DOCK4: variants seen among roughly 807,000 people sequenced by gnomAD.
The protein encoded by DOCK4 is dedicator of cytokinesis protein 4.
DOCK4 carries 97 observed loss-of-function variants against 268.1 expected under a neutral mutation model. The observed-to-expected ratio is 0.36, with a 90% CI of 0.31 to 0.43. The LOEUF (loss-of-function observed/expected upper bound fraction) is 0.43. DOCK4 is among the 20% of genes least tolerant of loss of function. The pLI, the probability that DOCK4 is intolerant of heterozygous loss-of-function variation, is 1.00. For synonymous variants in DOCK4, 954 were observed against 887.2 expected, an observed-to-expected ratio of 1.08 and a Z score of -1.34; for missense variants, 2,145 against 2,455.7, an observed-to-expected ratio of 0.87 and a Z score of 2.67.
intron 36 of DOCK4, among the ~76,000 whole-genome samples, chr7:111,770,008 G>C (rs1047314334): frequency 6.6e-6 from 1 of 152,094 alleles, no homozygotes; most frequent in Non-Finnish European, 1.5e-5. Flanking sequence ...CTGGTTCAAA[G>C]ATGTGGGGAG....
intron 16 of DOCK4, among the ~76,000 whole-genome samples, chr7:111,894,908 A>G (rs1456070191): frequency 6.6e-6 from 1 of 152,222 alleles, no homozygotes; most frequent in African/African-American, 2.4e-5. Flanking sequence ...GACCCAGGTC[A>G]GCAGGACCAG....
chr7:112,179,861 T>C (rs960635106), intron 1 of DOCK4, among the ~76,000 whole-genome samples: 1 of 152,182 alleles, frequency 6.6e-6, no homozygotes, highest in African/African-American at 2.4e-5. Context: ...GGGGCTCGTA[T>C]CACTTTAGCA....
intron 23 of DOCK4, among the ~76,000 whole-genome samples, chr7:111,848,294 G>A (rs1804272966): frequency 6.6e-6 from 1 of 151,858 alleles, no homozygotes; most frequent in Admixed American, 6.6e-5. Flanking sequence ...TTATTTCCAA[G>A]AGCTTTCTCC....
intron 1 of DOCK4, among the ~76,000 whole-genome samples, chr7:112,195,048 G>A (rs1563176254): frequency 2.0e-5 from 3 of 152,246 alleles, no homozygotes; most frequent in East Asian, 1.9e-4. Context: ...GGAGGCCAAG[G>A]TGGGCAGATC....
Position 112,154,445 on chromosome 7 carries a change from A to C in DOCK4, c.37+51657T>G, listed in dbSNP as rs529621524. 9.9e-5 allele frequency among the ~76,000 whole-genome samples: 15 copies of C among 152,282 alleles called. No individual in the cohort carries two copies. In the South Asian group the frequency reaches 3.1e-3, roughly 32 times the overall value. On this transcript the variant is annotated intron_variant, in intron 1 of 52. Coordinates refer to ENST00000428084, the MANE Select transcript of DOCK4 (RefSeq NM_001363540.2). Reference sequence around the variant, plus strand: ...CATTGTTTGACTCCTTTTTCTTTGCACTTGCTTTCTGAAATACAGATTAAT... The same window carrying C: ...CATTGTTTGACTCCTTTTTCTTTGCCCTTGCTTTCTGAAATACAGATTAAT...
At chr7:112,018,328 G>T (rs942229447) in intron 1 of DOCK4, among the ~76,000 whole-genome samples, 1 of 151,966 alleles carries the variant, frequency 6.6e-6, no homozygotes, top group East Asian at 1.9e-4. Context: ...AAAAAATGCT[G>T]CTTGTTTATC....
At chr7:112,096,693 T>TTAAATGCCTA (rs1162839582) in intron 1 of DOCK4, among the ~76,000 whole-genome samples, 1 of 152,108 alleles carries the variant, frequency 6.6e-6, no homozygotes, top group Non-Finnish European at 1.5e-5. Context: ...TAGGACAGTG[T>TTAAATGCCTA]TAAATGTAAA....
At chr7:111,784,524 G>A in intron 32 of DOCK4, 1 of 460,782 alleles carries the variant, frequency 2.2e-6, no homozygotes, top group Non-Finnish European at 4.3e-6. Context: ...TGTACTATCT[G>A]TGCACTCACT....
chr7:111,904,150 C>T (rs1791372767), intron 13 of DOCK4, among the ~76,000 whole-genome samples: 3 of 152,110 alleles, frequency 2.0e-5, no homozygotes, highest in Non-Finnish European at 4.4e-5. Context: ...GTAGGCTAGG[C>T]CCAAAGGAGG....
intron 1 of DOCK4, among the ~76,000 whole-genome samples, chr7:112,159,373 G>A (rs1816887766): frequency 6.6e-6 from 1 of 151,998 alleles, no homozygotes. Flanking sequence ...CCTGGTGCGT[G>A]TCCACCACCT....
rs199894755 is a variant in DOCK4 at position 111,944,878 on chromosome 7, A to C, written c.784-7T>G. ...GCTCACTGCTGCCCAAATCCTACAA[A>C]CAAAGAAAGTTTGGTTATTTTGGAA... is the stretch of plus-strand genomic sequence containing the variant. On this transcript the variant is annotated splice_region_variant and splice_polypyrimidine_tract_variant and intron_variant, in intron 9 of 52. Transcript: ENST00000428084. 1.1e-4 allele frequency: 178 copies of C among 1,613,926 alleles called. No individual in the cohort carries two copies. The African/African-American group carries it at 2.2e-3, about 20-fold the overall frequency.
intron 1 of DOCK4, among the ~76,000 whole-genome samples, chr7:112,030,118 T>C (rs955934111): frequency 1.1e-4 from 16 of 152,172 alleles, no homozygotes; most frequent in African/African-American, 3.9e-4. Flanking sequence ...CTGAACAATA[T>C]AGAGGATCAG....
intron 27 of DOCK4, among the ~76,000 whole-genome samples, chr7:111,814,808 C>T (rs1801417388): frequency 6.6e-6 from 1 of 152,172 alleles, no homozygotes; most frequent in African/African-American, 2.4e-5. Flanking sequence ...CAGAAAGAGG[C>T]ACAGGGCATT....
At chr7:112,196,155 A>G (rs982292527) in intron 1 of DOCK4, among the ~76,000 whole-genome samples, 1 of 152,172 alleles carries the variant, frequency 6.6e-6, no homozygotes. Context: ...ACCTCTCTAC[A>G]ACGCGAAGGA....
chr7:111,838,086 CAAA>C (rs749907970), intron 25 of DOCK4, among the ~76,000 whole-genome samples: 1 of 29,830 alleles, frequency 3.4e-5, no homozygotes, highest in Non-Finnish European at 7.3e-5. Context: ...AACCCTACCT[CAAA>C]AAAAAAAAAA....
At chr7:112,015,799 T>G (rs150331507) in intron 1 of DOCK4, among the ~76,000 whole-genome samples, 115 of 152,314 alleles carry the variant, frequency 7.6e-4, no homozygotes, top group African/African-American at 2.5e-3. Flanking sequence ...TTCTGGAAGC[T>G]AGCAAGTCCA....
At chr7:111,929,169 T>C (rs1179246101) in intron 12 of DOCK4, among the ~76,000 whole-genome samples, 1 of 152,102 alleles carries the variant, frequency 6.6e-6, no homozygotes, top group Non-Finnish European at 1.5e-5. Flanking sequence ...TATAAGTGTA[T>C]ATGTACATAT....
chr7:112,055,706 G>A (rs778207075), intron 1 of DOCK4, among the ~76,000 whole-genome samples: 2 of 152,146 alleles, frequency 1.3e-5, no homozygotes, highest in East Asian at 1.9e-4. Flanking sequence ...CCAGGAGTTC[G>A]AAACCAGCCT....
chr7:112,015,432 C>T (rs1410449558), intron 1 of DOCK4, among the ~76,000 whole-genome samples: 1 of 152,146 alleles, frequency 6.6e-6, no homozygotes, highest in Non-Finnish European at 1.5e-5. Flanking sequence ...CTCAGGGCTG[C>T]TCTGTCTATG....
Sources: gnomAD v4.1 joint callset for allele counts (sites outside exome capture counted in the v4.1 genomes callset) on GRCh38, gnomAD v4.1.1 for gene constraint, MANE v1.5 for transcripts, NCBI Gene and HGNC (gene_info 2026-07-23, HGNC 2026-07-21) for gene names.